The following SAMD4A variants were observed in gnomAD, a reference collection of about 807,000 sequenced individuals.
The protein encoded by SAMD4A is sterile alpha motif domain containing 4A, also known as protein Smaug homolog 1.
In SAMD4A, 33 loss-of-function variants were observed where a neutral mutation model predicts 81.3. That is an observed-to-expected ratio of 0.41 (90% CI 0.31 to 0.54). The LOEUF is 0.54. Ranked by LOEUF, SAMD4A falls within the 20% of genes least tolerant of loss-of-function variation. The pLI, the probability that SAMD4A is intolerant of heterozygous loss-of-function variation, is 0.37. For missense variants in SAMD4A, 854 were observed against 951.1 expected, an observed-to-expected ratio of 0.90 and a Z score of 1.34; for synonymous variants, 389 against 382.1, an observed-to-expected ratio of 1.02 and a Z score of -0.21.
intron 5 of SAMD4A, among the ~76,000 whole-genome samples, chr14:54,750,836 G>A (rs2038084382): frequency 6.6e-6 from 1 of 152,224 alleles, no homozygotes; most frequent in Non-Finnish European, 1.5e-5. Context: ...ATCTTCTAAG[G>A]CTGTGAAGAA....
At chr14:54,649,300 A>G (rs2035353791) in intron 2 of SAMD4A, among the ~76,000 whole-genome samples, 1 of 152,220 alleles carries the variant, frequency 6.6e-6, no homozygotes, top group Admixed American at 6.5e-5. Context: ...CTAAATGACA[A>G]AAGTATTCAA....
intron 2 of SAMD4A, among the ~76,000 whole-genome samples, chr14:54,604,548 A>G (rs1396332961): frequency 2.6e-5 from 4 of 152,316 alleles, no homozygotes; most frequent in Middle Eastern, 3.4e-3. Flanking sequence ...GCAACGTACA[A>G]TTTTATTCCT....
chr14:54,656,998 C>T lies in SAMD4A; in HGVS notation c.197-45064C>T, dbSNP rs566442298. On this transcript the variant is annotated intron_variant, in intron 2 of 12. Coordinates refer to ENST00000554335, the MANE Select transcript of SAMD4A (RefSeq NM_015589.6). The stretch of plus-strand genomic sequence containing the variant: ...TTTAATTTCTCCTCTCCCACCCCGC[C>T]GGAGAAACTAAACAACTATTTTACA... Among the ~76,000 whole-genome samples, 214 of 152,054 alleles carry T rather than the reference C, an allele frequency of 1.4e-3. 1 individual carries two copies. Among genetic ancestry groups the T allele is most frequent in the African/African-American group, 4.7e-3 (196 of 41,456 alleles).
intron 2 of SAMD4A, among the ~76,000 whole-genome samples, chr14:54,635,853 C>T (rs1056289683): frequency 3.3e-5 from 5 of 152,162 alleles, no homozygotes; most frequent in Non-Finnish European, 5.9e-5. Flanking sequence ...TTGCATACCA[C>T]AGCCCAGCAT....
chr14:54,784,247 T>C (rs536225401), intron 11 of SAMD4A: 70 of 967,826 alleles, frequency 7.2e-5, no homozygotes, highest in Non-Finnish European at 9.8e-5. Flanking sequence ...GGAGGTTGGC[T>C]GTTACTTTGA....
chr14:54,685,277 C>CA (rs1555343088), intron 2 of SAMD4A, among the ~76,000 whole-genome samples: 2 of 147,036 alleles, frequency 1.4e-5, no homozygotes, highest in Non-Finnish European at 3.0e-5. Context: ...TCTTCCTGCC[C>CA]CCCCCCCCAG....
At chr14:54,689,534 TCA>T (rs372718967) in intron 2 of SAMD4A, 5 of 152,346 alleles carry the variant, frequency 3.3e-5, no homozygotes, top group Middle Eastern at 3.4e-3. Flanking sequence ...TTGCCCAAGT[TCA>T]CACAGCTCAT....
intron 3 of SAMD4A, among the ~76,000 whole-genome samples, chr14:54,724,328 T>G (rs114161090): frequency 8.8e-4 from 134 of 152,316 alleles, no homozygotes; most frequent in African/African-American, 2.9e-3. Flanking sequence ...CTCTTTCCAC[T>G]GCTCAGCTGT....
chr14:54,589,822 G>A (rs1030700234), intron 2 of SAMD4A, among the ~76,000 whole-genome samples: 9 of 152,112 alleles, frequency 5.9e-5, no homozygotes, highest in African/African-American at 2.2e-4. Context: ...CTGATCGACT[G>A]CCTCAATGTC....
At chr14:54,624,972 AAT>A (rs2034710859) in intron 2 of SAMD4A, among the ~76,000 whole-genome samples, 1 of 152,244 alleles carries the variant, frequency 6.6e-6, no homozygotes, top group Admixed American at 6.5e-5. Flanking sequence ...GAATGACAGC[AAT>A]AGTCAGTCAG....
At chr14:54,629,724 T>C (rs1323659307) in intron 2 of SAMD4A, among the ~76,000 whole-genome samples, 1 of 152,254 alleles carries the variant, frequency 6.6e-6, no homozygotes, top group East Asian at 1.9e-4. Flanking sequence ...AGTGTACAGT[T>C]CAGTGGTATG....
intron 2 of SAMD4A, among the ~76,000 whole-genome samples, chr14:54,585,533 G>T (rs2033591036): frequency 6.6e-6 from 1 of 152,002 alleles, no homozygotes; most frequent in African/African-American, 2.4e-5. Context: ...AGATTTTGGT[G>T]TACCCATCAC....
chr14:54,701,458 T>A (rs1426461224), intron 2 of SAMD4A, among the ~76,000 whole-genome samples: 1 of 152,248 alleles, frequency 6.6e-6, no homozygotes, highest in African/African-American at 2.4e-5. Flanking sequence ...CCATTGCATA[T>A]TCTAGCTTTG....
chr14:54,669,345 TCA>T (rs1434002617), intron 2 of SAMD4A, among the ~76,000 whole-genome samples: 1 of 151,884 alleles, frequency 6.6e-6, no homozygotes, highest in African/African-American at 2.4e-5. Flanking sequence ...AAGAAAAAAG[TCA>T]CAGGGTTGAA....
At chr14:54,740,182 A>G (rs958884225) in intron 4 of SAMD4A, among the ~76,000 whole-genome samples, 13 of 152,306 alleles carry the variant, frequency 8.5e-5, no homozygotes, top group African/African-American at 3.1e-4. Flanking sequence ...TCAAATAAAA[A>G]CATAAAAAAT....
At chr14:54,727,540 A>G (rs1258766166) in intron 3 of SAMD4A, among the ~76,000 whole-genome samples, 1 of 152,124 alleles carries the variant, frequency 6.6e-6, no homozygotes, top group Non-Finnish European at 1.5e-5. Context: ...CAACAATGTG[A>G]AAAATATGGC....
At chr14:54,654,676 C>T (rs1474235107) in intron 2 of SAMD4A, among the ~76,000 whole-genome samples, 1 of 152,184 alleles carries the variant, frequency 6.6e-6, no homozygotes, top group Non-Finnish European at 1.5e-5. Flanking sequence ...GAAGGCTAGT[C>T]CTCTATTCTG....
intron 2 of SAMD4A, among the ~76,000 whole-genome samples, chr14:54,691,524 G>A (rs59072088): frequency 1.3e-4 from 15 of 113,352 alleles, no homozygotes; most frequent in Non-Finnish European, 1.0e-4. Context: ...AAGGACTTCA[G>A]CAATGAAAAA....
At position 54,629,603 on chromosome 14, in the gene SAMD4A, C is replaced by CT. The variant is rs578100463; in HGVS notation, c.196+61499dup. ...TATATTATATTCATTTTCTGCTATT[C>CT]TTTTTTTTCTTTAAAGCTTACTGGT... On this transcript the variant is annotated intron_variant, in intron 2 of 12. Transcript: ENST00000554335. Among the ~76,000 whole-genome samples the CT allele has an allele frequency of 5.9e-5, 9 of 151,848 alleles. No homozygotes were observed. The South Asian group carries it at 1.9e-3, about 32-fold the overall frequency.
Sources: gnomAD v4.1 joint callset for allele counts (sites outside exome capture counted in the v4.1 genomes callset) on GRCh38, gnomAD v4.1.1 for gene constraint, MANE v1.5 for transcripts, NCBI Gene and HGNC (gene_info 2026-07-23, HGNC 2026-07-21) for gene names.